Variants in L3MBTL4 observed in about 807,000 individuals in gnomAD.
L3MBTL4 encodes L3MBTL histone methyl-lysine binding protein 4.
A neutral mutation model predicts 84.5 loss-of-function variants in L3MBTL4; 70 were observed. The ratio of observed to expected loss-of-function variants is 0.83; its 90% confidence interval spans 0.68 to 1.01. The LOEUF (loss-of-function observed/expected upper bound fraction) is 1.01. Ranked by LOEUF, L3MBTL4 falls within the 50% of genes least tolerant of loss-of-function variation. The probability of loss-of-function intolerance (pLI) is 0.00; values close to 1 mark genes in which losing one functional copy is unlikely to be tolerated. For missense variants in L3MBTL4, 715 were observed against 754.8 expected (o/e 0.95, Z 0.62); for synonymous variants, 274 against 259.8 (o/e 1.05, Z -0.52).
intron 16 of L3MBTL4, among the ~76,000 whole-genome samples, chr18:6,077,880 T>A (rs1001116476): frequency 7.3e-5 from 11 of 151,436 alleles, no homozygotes; most frequent in Non-Finnish European, 1.6e-4. Context: ...AATACAAAAA[T>A]TAGCTGGGCA....
intron 16 of L3MBTL4, among the ~76,000 whole-genome samples, chr18:5,983,045 A>G (rs1236658696): frequency 6.6e-6 from 1 of 152,220 alleles, no homozygotes; most frequent in Non-Finnish European, 1.5e-5. Flanking sequence ...CCTACCATGG[A>G]CAGTAATATG....
intron 16 of L3MBTL4, among the ~76,000 whole-genome samples, chr18:5,972,120 T>C (rs1295670160): frequency 6.6e-6 from 1 of 152,148 alleles, no homozygotes; most frequent in Non-Finnish European, 1.5e-5. Context: ...GAGCTGTGGA[T>C]CCCCTACCTG....
At position 6,410,140 on chromosome 18, in the gene L3MBTL4, C is replaced by T. The variant is rs1198179007; in HGVS notation, c.-91+4661G>A. ...CCAGAGGCCTCCAGCCATCTCCCACCCAGGCCCTGCCCTCCTGTCTCAGGG... is the reference window on the plus strand; with the variant it reads ...CCAGAGGCCTCCAGCCATCTCCCACTCAGGCCCTGCCCTCCTGTCTCAGGG... On this transcript the variant is annotated intron_variant, in intron 1 of 18. Transcript: ENST00000317931. Among the ~76,000 whole-genome samples, 3 of 152,218 alleles carry T rather than the reference C, an allele frequency of 2.0e-5. No homozygotes were observed. The East Asian group carries it at 5.8e-4, about 29-fold the overall frequency.
intron 16 of L3MBTL4, among the ~76,000 whole-genome samples, chr18:6,042,022 T>C (rs908650333): frequency 2.6e-5 from 4 of 152,122 alleles, no homozygotes; most frequent in Admixed American, 2.0e-4. Flanking sequence ...CACCCGGCCA[T>C]CTGTGAACCA....
chr18:6,026,680 T>G (rs938123969), intron 16 of L3MBTL4, among the ~76,000 whole-genome samples: 2 of 152,126 alleles, frequency 1.3e-5, no homozygotes, highest in African/African-American at 2.4e-5. Flanking sequence ...ATCAACACCA[T>G]GGGCTGTTTA....
chr18:6,037,315 A>G (rs1332928040), intron 16 of L3MBTL4, among the ~76,000 whole-genome samples: 1 of 152,236 alleles, frequency 6.6e-6, no homozygotes, highest in East Asian at 1.9e-4. Flanking sequence ...GCAGTTTACC[A>G]TGTTAACCAC....
chr18:6,150,666 C>T (rs1472278544), intron 13 of L3MBTL4, among the ~76,000 whole-genome samples: 1 of 152,148 alleles, frequency 6.6e-6, no homozygotes, highest in African/African-American at 2.4e-5. Flanking sequence ...CCCTCCAACT[C>T]CCCTGTACTA....
At chr18:6,046,762 G>A in intron 16 of L3MBTL4, 1 of 774,400 alleles carries the variant, frequency 1.3e-6, no homozygotes, top group South Asian at 1.4e-5. Flanking sequence ...GCACTGTGAA[G>A]AGAAAAGTTT....
In L3MBTL4 at chr18:6,335,222, T is replaced by C. The variant is rs557007399; in HGVS notation, c.-90-23166A>G. On this transcript the variant is annotated intron_variant, in intron 1 of 18. Transcript: ENST00000317931. ...TGTCCTACCTCAGCCTCCTGAGTAG[T>C]TGGGATTACAGGCACTCACCACCAC... Among the ~76,000 whole-genome samples, 304 of 152,152 alleles carry C rather than the reference T, an allele frequency of 2.0e-3. 1 individual carries two copies. The highest frequency in any genetic ancestry group is 3.0e-3 in the Non-Finnish European group (203 of 67,988).
intron 1 of L3MBTL4, among the ~76,000 whole-genome samples, chr18:6,360,017 A>ATTACCTTTTAC (rs1286098442): frequency 6.6e-6 from 1 of 152,230 alleles, no homozygotes; most frequent in African/African-American, 2.4e-5. Flanking sequence ...GTAAAAGGTA[A>ATTACCTTTTAC]TTCTCTGTTT....
At chr18:6,281,930 T>A (rs2049338515) in intron 4 of L3MBTL4, among the ~76,000 whole-genome samples, 1 of 152,208 alleles carries the variant, frequency 6.6e-6, no homozygotes, top group African/African-American at 2.4e-5. Flanking sequence ...CATTTCTACT[T>A]GAAAATCCAT....
At chr18:6,256,667 C>T (rs934368917) in intron 5 of L3MBTL4, 1 of 152,116 alleles carries the variant, frequency 6.6e-6, no homozygotes, top group Non-Finnish European at 1.5e-5. Flanking sequence ...TGAGGAACCA[C>T]TTCTGTTTTC....
chr18:6,355,842 TAAA>T (rs35189133), intron 1 of L3MBTL4, among the ~76,000 whole-genome samples: 2 of 145,120 alleles, frequency 1.4e-5, no homozygotes, highest in Non-Finnish European at 3.0e-5. Flanking sequence ...TTCAAATTTA[TAAA>T]AAAAAAAAAC....
At chr18:6,086,165 G>A (rs972164534) in intron 15 of L3MBTL4, among the ~76,000 whole-genome samples, 5 of 152,212 alleles carry the variant, frequency 3.3e-5, no homozygotes, top group African/African-American at 1.2e-4. Flanking sequence ...TTTACAATGA[G>A]TAAGAAATAA....
intron 14 of L3MBTL4, among the ~76,000 whole-genome samples, chr18:6,136,873 T>C (rs1014145250): frequency 6.6e-6 from 1 of 152,196 alleles, no homozygotes; most frequent in African/African-American, 2.4e-5. Context: ...CCTCCACCAG[T>C]AACGAGGACA....
chr18:6,340,943 G>T (rs993150267), intron 1 of L3MBTL4, among the ~76,000 whole-genome samples: 2 of 152,122 alleles, frequency 1.3e-5, no homozygotes, highest in Admixed American at 6.6e-5. Context: ...AAAATAAATA[G>T]GAGGCCCTCA....
At chr18:5,967,162 G>A (rs974049941) in intron 17 of L3MBTL4, among the ~76,000 whole-genome samples, 4 of 152,190 alleles carry the variant, frequency 2.6e-5, no homozygotes, top group African/African-American at 9.7e-5. Context: ...TTTCTGCCCT[G>A]CCTCTGCGGC....
intron 13 of L3MBTL4, among the ~76,000 whole-genome samples, chr18:6,162,336 A>G (rs2043382618): frequency 6.6e-6 from 1 of 152,200 alleles, no homozygotes; most frequent in African/African-American, 2.4e-5. Flanking sequence ...AAGTTATCAT[A>G]GATAAGTACC....
intron 10 of L3MBTL4, among the ~76,000 whole-genome samples, chr18:6,220,850 T>C (rs538627122): frequency 6.6e-6 from 1 of 152,256 alleles, no homozygotes; most frequent in Non-Finnish European, 1.5e-5. Context: ...TGAATGAAAC[T>C]CTGATACAAA....
Sources: gnomAD v4.1 joint callset for allele counts (sites outside exome capture counted in the v4.1 genomes callset) on GRCh38, gnomAD v4.1.1 for gene constraint, MANE v1.5 for transcripts, NCBI Gene and HGNC (gene_info 2026-07-23, HGNC 2026-07-21) for gene names.